Variants in HERC2 observed in about 807,000 individuals in gnomAD.
HERC2 encodes HECT and RLD domain containing E3 ubiquitin protein ligase 2, also known as E3 ubiquitin-protein ligase HERC2.
A neutral mutation model predicts 537.7 loss-of-function variants in HERC2; 102 were observed. The ratio of observed to expected loss-of-function variants is 0.19; its 90% confidence interval spans 0.16 to 0.22. The LOEUF is 0.22. Ranked by LOEUF, HERC2 falls within the 10% of genes least tolerant of loss-of-function variation. HERC2 has a pLI of 1.00. For missense variants in HERC2, 4,236 were observed against 6,198.2 expected, an observed-to-expected ratio of 0.68 and a Z score of 10.63; for synonymous variants, 2,224 against 2,466.2, an observed-to-expected ratio of 0.90 and a Z score of 2.91.
chr15:28,246,801 G>A lies in HERC2; in HGVS notation c.3332C>T (p.Ala1111Val). 1 of 1,610,134 alleles carries A rather than the reference G, an allele frequency of 6.2e-7. No individual in the cohort carries two copies. Among genetic ancestry groups the A allele is most frequent in the Non-Finnish European group, 8.5e-7 (1 of 1,178,402 alleles). Reference protein sequence around the residue: ...GDILPVAASIASTSWRHFAEV... With the variant: ...GDILPVAASIVSTSWRHFAEV... ...CGCGAAGTGCCGCCAGCTGGTAGAA[G>A]CAATGCTGGCGGCCACAGGCAGTAT... Residue 1111 changes from alanine to valine, a missense_variant, in exon 22 of 93, where the codon GCT becomes GTT. By Grantham distance (64) the Ala-to-Val change is moderately conservative. Coordinates refer to ENST00000261609, the MANE Select transcript of HERC2 (RefSeq NM_004667.6).
chr15:28,135,257 A>T (rs1006947651), intron 79 of HERC2, among the ~76,000 whole-genome samples: 3 of 152,196 alleles, frequency 2.0e-5, no homozygotes, highest in African/African-American at 7.2e-5. Context: ...CATCAAAAAC[A>T]CAGAATTGAC....
At chr15:28,261,030 A>G (rs970040525) in intron 15 of HERC2, 60 bp from the exon 16 acceptor site, 7 of 1,330,324 alleles carry the variant, frequency 5.3e-6, no homozygotes, top group African/African-American at 2.9e-5. Context: ...TGCAAGAAAG[A>G]TATTTCCTAG....
intron 83 of HERC2, among the ~76,000 whole-genome samples, chr15:28,127,818 C>CTA (rs1214209738): frequency 3.3e-5 from 5 of 152,154 alleles, no homozygotes; most frequent in Admixed American, 6.6e-5. Flanking sequence ...AATAAATAGA[C>CTA]TATATACCCC....
At chr15:28,155,375 C>A (rs1305737305) in intron 69 of HERC2, among the ~76,000 whole-genome samples, 3 of 152,190 alleles carry the variant, frequency 2.0e-5, no homozygotes. Flanking sequence ...AGTTTACACT[C>A]CCACCAACAG....
rs573776832 is a variant in HERC2 at position 28,137,570 on chromosome 15, G to A, written c.12016-1878C>T. On this transcript the variant is annotated intron_variant, in intron 78 of 92. Coordinates refer to ENST00000261609, the MANE Select transcript of HERC2 (RefSeq NM_004667.6). ...GTGATCAGTAATGTTTGATGTTACT[G>A]TTGTACTTGTTTTGAGGCACCACAA... Among the ~76,000 whole-genome samples, 4 of 152,220 alleles carry A rather than the reference G, an allele frequency of 2.6e-5. No homozygotes were observed. In the South Asian group the frequency reaches 8.3e-4, roughly 32 times the overall value.
chr15:28,217,880 G>T (rs1473093671), intron 38 of HERC2, among the ~76,000 whole-genome samples: 6 of 151,396 alleles, frequency 4.0e-5, no homozygotes, highest in East Asian at 4.1e-4. Flanking sequence ...AGTAAGGAAG[G>T]ACCTTCCCCT....
chr15:28,320,950 A>G (rs923172178), intron 2 of HERC2, among the ~76,000 whole-genome samples: 2 of 151,936 alleles, frequency 1.3e-5, no homozygotes, highest in African/African-American at 4.8e-5. Context: ...AAGACCTCAT[A>G]AAATGAGTGA....
At position 28,169,577 on chromosome 15, in the gene HERC2, G is replaced by A. The variant is rs1461984994; in HGVS notation, c.10136C>T (p.Ser3379Phe). ...GASNSKPNRP[S>F]LAKILLSLDG... Reference sequence around the variant, plus strand: ...CAATGACAAGAGAATCTTGGCAAGAGAAGGGCGATTTGGCTTAGAATTACT... The same window carrying A: ...CAATGACAAGAGAATCTTGGCAAGAAAAGGGCGATTTGGCTTAGAATTACT... Residue 3379 changes from serine (S) to phenylalanine (F), a missense_variant, in exon 66 of 93, where the codon TCT becomes TTT. This residue lies in a region of HERC2 where 356 missense variants were observed against 450.9 expected (regional missense o/e 0.79). Coordinates refer to ENST00000261609, the MANE Select transcript of HERC2 (RefSeq NM_004667.6). 1 of 1,614,038 alleles carries A rather than the reference G, an allele frequency of 6.2e-7. No individual in the cohort carries two copies. The highest frequency in any genetic ancestry group is 1.7e-5 in the Admixed American group (1 of 60,004).
intron 68 of HERC2, among the ~76,000 whole-genome samples, chr15:28,164,600 G>A (rs1308614122): frequency 5.3e-5 from 8 of 152,076 alleles, no homozygotes; most frequent in Non-Finnish European, 1.0e-4. Flanking sequence ...ATGTCTAGAA[G>A]AATTGCTAAG....
At chr15:28,112,535 G>C (rs1887760876) in intron 92 of HERC2, among the ~76,000 whole-genome samples, 1 of 152,218 alleles carries the variant, frequency 6.6e-6, no homozygotes, top group Non-Finnish European at 1.5e-5. Context: ...GGCTGTGCTG[G>C]ACACATGCTG....
chr15:28,210,055 C>T (rs1276889561), intron 44 of HERC2, among the ~76,000 whole-genome samples: 18 of 150,946 alleles, frequency 1.2e-4, no homozygotes, highest in Admixed American at 1.1e-3. Flanking sequence ...CTCCGCCCCC[C>T]GGTTCAAGTG....
In HERC2 at chr15:28,256,156, G is replaced by A. The variant is rs1409500493; in HGVS notation, c.2679C>T (p.Gly893=). 1.9e-6 allele frequency: 3 copies of A among 1,602,126 alleles called. No homozygotes were observed. Among genetic ancestry groups the A allele is most frequent in the Non-Finnish European group, 2.5e-6 (3 of 1,179,776 alleles). ...QSAAQAVLQS[G]WSVLLPTAEE... is the part of the protein sequence containing the mutation. ...CCGCGGTGGGCAGCAGCACGGACCA[G>A]CCACTCTGCAGCACGGCCTGGGCGG... The change falls in exon 18 of 93, where the codon GGC becomes GGT. Residue 893 remains glycine (G), a synonymous_variant. Coordinates refer to ENST00000261609, the MANE Select transcript of HERC2 (RefSeq NM_004667.6).
At chr15:28,291,768 G>A (rs1399393031) in intron 4 of HERC2, among the ~76,000 whole-genome samples, 1 of 151,986 alleles carries the variant, frequency 6.6e-6, no homozygotes, top group African/African-American at 2.4e-5. Flanking sequence ...AGCCGGGTGT[G>A]GTGGTGCACG....
At chr15:28,145,755 C>G (rs9989302) in intron 71 of HERC2, among the ~76,000 whole-genome samples, 147,037 of 152,268 alleles carry the variant, frequency 0.97, 71,114 homozygotes, top group Non-Finnish European at 0.99. Flanking sequence ...TGGTAAAAGA[C>G]CATTTCACAA....
chr15:28,280,013 A>C, intron 5 of HERC2, 55 bp downstream of exon 5: 2 of 1,377,676 alleles, frequency 1.5e-6, no homozygotes. Flanking sequence ...GAAACAAAAC[A>C]GTCTGAATTT....
rs8026590 is a variant in HERC2, at chr15:28,199,593, G to A, written c.7717-824C>T. 2.1e-3 allele frequency among the ~76,000 whole-genome samples: 313 copies of A among 152,280 alleles called. 1 individual carries two copies. Among genetic ancestry groups the A allele is most frequent in the African/African-American group, 7.1e-3 (296 of 41,556 alleles). ...GATGAAGTTAGAAAATCACTATGGT[G>A]CAGCCCCTAATGATAGGTCTAGATG... On this transcript the variant is annotated intron_variant, in intron 48 of 92. Coordinates refer to ENST00000261609, the MANE Select transcript of HERC2 (RefSeq NM_004667.6).
chr15:28,141,245 T>C (rs1891195920), intron 78 of HERC2, among the ~76,000 whole-genome samples, 187 bp downstream of exon 78: 1 of 152,024 alleles, frequency 6.6e-6, no homozygotes, highest in East Asian at 1.9e-4. Context: ...TTAAACTTTT[T>C]TTTTTTTTAA....
intron 44 of HERC2, among the ~76,000 whole-genome samples, chr15:28,207,017 A>T (rs1596226890): frequency 6.6e-6 from 1 of 151,484 alleles, no homozygotes; most frequent in African/African-American, 2.4e-5. Context: ...CTCAAAACAA[A>T]AAAAAAAAAA....
chr15:28,194,901 C>G (rs1428111005), intron 52 of HERC2, among the ~76,000 whole-genome samples: 1 of 151,342 alleles, frequency 6.6e-6, no homozygotes, highest in Non-Finnish European at 1.5e-5. Context: ...ACTAAAAATA[C>G]AAAAATTAGC....
Sources: gnomAD v4.1 joint callset for allele counts (sites outside exome capture counted in the v4.1 genomes callset) on GRCh38, gnomAD v4.1.1 for gene constraint, gnomAD v4.1.1 regional missense constraint, MANE v1.5 for transcripts, NCBI Gene and HGNC (gene_info 2026-07-23, HGNC 2026-07-21) for gene names.